The following RUFY2 variants were observed in gnomAD, a reference collection of about 807,000 sequenced individuals.
RUFY2 encodes RUN and FYVE domain containing 2.
Under a neutral mutation model 94.4 loss-of-function variants are expected in RUFY2, and 49 were observed. The ratio of observed to expected loss-of-function variants is 0.52; its 90% CI spans 0.41 to 0.66. The LOEUF (loss-of-function observed/expected upper bound fraction) is 0.66, where lower values mean the gene tolerates loss of function less well. Among genes scored for constraint, RUFY2 ranks in the 30% least tolerant of loss-of-function variants. The probability of loss-of-function intolerance (pLI) is 0.00; values close to 1 mark genes in which losing one functional copy is unlikely to be tolerated. For missense variants in RUFY2, 541 were observed against 692.8 expected (o/e 0.78, Z 2.46); for synonymous variants, 255 against 235.7 (o/e 1.08, Z -0.75).
At position 68,375,753 on chromosome 10, in the gene RUFY2, G is replaced by C. The variant is rs1335306765; in HGVS notation, c.1325+1100C>G. ...ATCACACCACTGCACTCCAGCCCAG[G>C]CGATAGAGCGAGACTCCATCTCAAA... On this transcript the variant is annotated intron_variant, in intron 13 of 17. Coordinates refer to ENST00000602465, the MANE Select transcript of RUFY2 (RefSeq NM_001330103.2). Among the ~76,000 whole-genome samples the C allele has an allele frequency of 2.7e-5, 4 of 150,182 alleles. No individual in the cohort carries two copies. In the South Asian group the frequency reaches 8.5e-4, roughly 32 times the overall value.
intron 7 of RUFY2, among the ~76,000 whole-genome samples, chr10:68,388,860 GA>G (rs2049754396): frequency 6.9e-6 from 1 of 145,384 alleles, no homozygotes; most frequent in African/African-American, 2.5e-5. Context: ...AAAAAGAAAA[GA>G]AAAGAAAAAG....
Position 68,401,653 on chromosome 10 carries a change from A to G in RUFY2, c.263T>C (p.Ile88Thr). ...AGGTAGATCCCGGACACTAGCTCCT[A>G]TTTCCTCTGCTTCGGGGTACAGCTT... ...VEKLYPEAEE[I>T]GASVRDLPGL... Residue 88 changes from isoleucine (I) to threonine (T), a missense_variant, in exon 3 of 18, where the codon ATA (isoleucine) becomes ACA (threonine). By Grantham distance (89) the Ile-to-Thr change is moderately conservative. Around this residue, in one of 3 missense-constraint regions of RUFY2, gnomAD observed 85 missense variants for 153.4 expected, o/e 0.55. Coordinates refer to ENST00000602465, the MANE Select transcript of RUFY2 (RefSeq NM_001330103.2). The G allele has an allele frequency of 1.2e-6, 2 of 1,613,778 alleles. No individual in the cohort carries two copies. The highest frequency in any genetic ancestry group is 8.5e-7 in the Non-Finnish European group (1 of 1,179,738).
chr10:68,376,816 T>A (rs1169793196), intron 13 of RUFY2, 37 bp downstream of exon 13: 4 of 1,593,360 alleles, frequency 2.5e-6, no homozygotes, highest in Non-Finnish European at 3.4e-6. Context: ...GGGGTTATGT[T>A]AACACAAGTA....
chr10:68,370,247 T>C (rs2048165821), intron 13 of RUFY2, among the ~76,000 whole-genome samples: 1 of 151,982 alleles, frequency 6.6e-6, no homozygotes, highest in African/African-American at 2.4e-5. Context: ...ATTGCACCAC[T>C]GCACTCCAGC....
rs1385799277 is a variant in RUFY2 at position 68,379,525 on chromosome 10, T to C, written c.1108-4A>G. On this transcript the variant is annotated splice_polypyrimidine_tract_variant and splice_region_variant and intron_variant, in intron 11 of 17. Coordinates refer to ENST00000602465, the MANE Select transcript of RUFY2 (RefSeq NM_001330103.2). Reference sequence around the variant, plus strand: ...CTTTCAAGCCATCTTCAGAACCCTATTTATAAAAACAAAAGCTATGGTGGT... The same window carrying C: ...CTTTCAAGCCATCTTCAGAACCCTACTTATAAAAACAAAAGCTATGGTGGT... 1.3e-6 allele frequency: 2 copies of C among 1,598,280 alleles called. No individual in the cohort carries two copies.
chr10:68,386,248 T>G, intron 7 of RUFY2, 120 bp from the exon 8 acceptor site: 1 of 628,582 alleles, frequency 1.6e-6, no homozygotes, highest in Non-Finnish European at 2.7e-6. Flanking sequence ...TGTCCAAATT[T>G]CTGAGTGTGG....
chr10:68,399,756 G>T (rs2050670502), intron 3 of RUFY2, among the ~76,000 whole-genome samples: 1 of 152,168 alleles, frequency 6.6e-6, no homozygotes. Flanking sequence ...CTAAAGGGAG[G>T]CTGGGCGCTG....
chr10:68,372,364 C>G (rs981902746), intron 13 of RUFY2, among the ~76,000 whole-genome samples: 7 of 152,006 alleles, frequency 4.6e-5, no homozygotes, highest in Non-Finnish European at 1.0e-4. Context: ...CACGCCACTA[C>G]ACCCCAGCCT....
rs2049034568 is a variant in RUFY2, at chr10:68,381,177, T to C, written c.1107+55A>G. 2.1e-6 allele frequency: 3 copies of C among 1,449,520 alleles called. No individual in the cohort carries two copies. The Admixed American group carries it at 6.5e-5, about 31-fold the overall frequency. The allele number at this position is 1,449,520 out of a possible 1,614,324, so 89.8% of individuals were successfully genotyped here. A position where few individuals can be genotyped will look rare whatever the true frequency, so the allele number is the denominator to read the frequency against. ...CTCATCTCTTAAAAACCAAAACCTT[T>C]CTACAAATATTCACTTTCAATTTAC... On this transcript the variant is annotated intron_variant, in intron 11 of 17. Coordinates refer to ENST00000602465, the MANE Select transcript of RUFY2 (RefSeq NM_001330103.2).
chr10:68,364,777 C>T (rs2047688512), intron 13 of RUFY2, among the ~76,000 whole-genome samples: 1 of 151,408 alleles, frequency 6.6e-6, no homozygotes, highest in Non-Finnish European at 1.5e-5. Context: ...TGGACTCAAA[C>T]TCCTGGACTC....
At chr10:68,394,173 G>T in intron 5 of RUFY2, 37 bp from the exon 6 acceptor site, 1 of 1,486,124 alleles carries the variant, frequency 6.7e-7, no homozygotes, top group South Asian at 1.4e-5. Flanking sequence ...TTAAAGGGGA[G>T]AAAATACTTT....
chr10:68,372,900 C>T (rs1460020624), intron 13 of RUFY2, among the ~76,000 whole-genome samples: 7 of 150,170 alleles, frequency 4.7e-5, no homozygotes, highest in Admixed American at 4.0e-4. Context: ...ACAGCAAGAC[C>T]CTGTATCAAA....
intron 2 of RUFY2, among the ~76,000 whole-genome samples, chr10:68,403,211 GA>G (rs201649166): frequency 1.6e-4 from 23 of 143,308 alleles, no homozygotes; most frequent in East Asian, 4.0e-4. Context: ...TACAGTTAAA[GA>G]AAAAAAAAAC....
intron 2 of RUFY2, among the ~76,000 whole-genome samples, chr10:68,402,655 T>C (rs1186064078): frequency 2.0e-5 from 3 of 151,970 alleles, no homozygotes; most frequent in Non-Finnish European, 2.9e-5. Flanking sequence ...CTCCTGATTT[T>C]TTCTGAAATC....
At chr10:68,342,235 G>T, downstream of RUFY2, 1 of 509,588 alleles carries the variant, frequency 2.0e-6, no homozygotes, top group Non-Finnish European at 3.5e-6. Flanking sequence ...TTTATTTGTT[G>T]CATACTTTGA....
intron 13 of RUFY2, among the ~76,000 whole-genome samples, chr10:68,366,102 A>T (rs970718951): frequency 2.6e-5 from 4 of 152,062 alleles, no homozygotes; most frequent in Admixed American, 1.3e-4. Flanking sequence ...CAAAGCGGGC[A>T]GATCTCTTGA....
chr10:68,342,466 TA>T (rs1379316786), downstream of RUFY2: 1 of 156,470 alleles, frequency 6.4e-6, no homozygotes, highest in Non-Finnish European at 1.4e-5. Flanking sequence ...ATAATTAGTG[TA>T]ACTTTTTTCT....
chr10:68,341,200 A>C, downstream of RUFY2: 1 of 1,587,748 alleles, frequency 6.3e-7, no homozygotes, highest in Non-Finnish European at 8.5e-7. Context: ...ATCCAATACG[A>C]GTTCATATTG....
intron 12 of RUFY2, chr10:68,377,855 C>G: frequency 1.0e-6 from 1 of 985,350 alleles, no homozygotes; most frequent in Non-Finnish European, 1.2e-6. Flanking sequence ...CTTCCTCTTC[C>G]TTTCTTCCTT....
Sources: gnomAD v4.1 joint callset for allele counts (sites outside exome capture counted in the v4.1 genomes callset) on GRCh38, gnomAD v4.1.1 for gene constraint, gnomAD v4.1.1 regional missense constraint, MANE v1.5 for transcripts, NCBI Gene and HGNC (gene_info 2026-07-23, HGNC 2026-07-21) for gene names.